SANBR: variants seen among roughly 807,000 people sequenced by gnomAD.
The protein encoded by SANBR is SANT and BTB domain regulator of CSR.
In SANBR, 77 loss-of-function variants were observed where a neutral mutation model predicts 101.8. That is an observed-to-expected ratio of 0.76 (90% CI 0.63 to 0.91). The LOEUF (loss-of-function observed/expected upper bound fraction) is 0.91, where lower values mean the gene tolerates loss of function less well. SANBR is among the 40% of genes least tolerant of loss of function. SANBR has a pLI of 0.00. For missense variants in SANBR, 875 were observed against 853.0 expected, an observed-to-expected ratio of 1.03 and a Z score of -0.32; for synonymous variants, 279 against 274.7, an observed-to-expected ratio of 1.02 and a Z score of -0.15.
intron 20 of SANBR, among the ~76,000 whole-genome samples, chr2:61,130,806 G>A (rs1268317318): frequency 6.6e-6 from 1 of 150,884 alleles, no homozygotes; most frequent in Admixed American, 6.6e-5. Flanking sequence ...AATTAGGAGT[G>A]GTGGCATATG....
chr2:61,078,153 A>T (rs1340646425), intron 6 of SANBR, among the ~76,000 whole-genome samples: 1 of 152,238 alleles, frequency 6.6e-6, no homozygotes, highest in Non-Finnish European at 1.5e-5. Context: ...TTTCCAAATG[A>T]CCAATACATT....
chr2:61,122,670 TC>T lies in SANBR; in HGVS notation c.*509del, dbSNP rs1684381110. On this transcript the variant is annotated 3_prime_UTR_variant, in exon 22 of 22. Transcript: ENST00000402291. The stretch of plus-strand genomic sequence containing the variant: ...CATGAATATTAAGGAGTGACAGGTC[TC>T]AAGACTGCATTAAATGAAGTTTCAG... The T allele has an allele frequency of 1.0e-6, 1 of 986,050 alleles. No homozygotes were observed. Among genetic ancestry groups the T allele is most frequent in the African/African-American group, 1.7e-5 (1 of 57,256 alleles). 61.1% of individuals were successfully genotyped at this position (986,050 alleles called of 1,614,324 possible). A position where few individuals can be genotyped will look rare whatever the true frequency, so the allele number is the denominator to read the frequency against.
At chr2:61,092,399 TTAAA>T (rs1198496640) in intron 10 of SANBR, 61 bp from the exon 11 acceptor site, 30 of 1,243,598 alleles carry the variant, frequency 2.4e-5, no homozygotes, top group South Asian at 5.9e-5. Flanking sequence ...AAGATAATAA[TTAAA>T]TAAATAAATA....
chr2:61,126,551 C>G (rs542033203), downstream of SANBR, among the ~76,000 whole-genome samples: 2 of 152,146 alleles, frequency 1.3e-5, no homozygotes, highest in East Asian at 3.9e-4. Flanking sequence ...GCCTGTAATC[C>G]CAGCACTTTG....
chr2:61,136,012 A>G (rs1222840413), intron 21 of SANBR, among the ~76,000 whole-genome samples: 1 of 152,190 alleles, frequency 6.6e-6, no homozygotes, highest in Non-Finnish European at 1.5e-5. Context: ...TAAAGAGTCT[A>G]AAAAAATCAA....
chr2:61,128,743 C>T (rs62151037), downstream of SANBR, among the ~76,000 whole-genome samples: 1 of 152,162 alleles, frequency 6.6e-6, no homozygotes, highest in Non-Finnish European at 1.5e-5. Context: ...ATCCGTCTGC[C>T]TCGGCCCCCC....
downstream of SANBR, among the ~76,000 whole-genome samples, chr2:61,125,251 T>C (rs1387751299): frequency 6.6e-6 from 1 of 152,240 alleles, no homozygotes; most frequent in Non-Finnish European, 1.5e-5. Context: ...CTATTATTGT[T>C]GCATTGTTAT....
intron 4 of SANBR, among the ~76,000 whole-genome samples, chr2:61,072,942 G>A (rs72809453): frequency 4.8e-5 from 7 of 146,052 alleles, no homozygotes; most frequent in Non-Finnish European, 1.0e-4. Flanking sequence ...TCCTCCTGCC[G>A]CAGCCTCCTG....
chr2:61,080,057 C>T (rs1159984070), intron 6 of SANBR, among the ~76,000 whole-genome samples: 2 of 151,822 alleles, frequency 1.3e-5, no homozygotes, highest in African/African-American at 2.4e-5. Flanking sequence ...ATAAGCCAGG[C>T]GTGGTGGCAG....
chr2:61,134,855 C>T (rs1028054314), intron 21 of SANBR, among the ~76,000 whole-genome samples: 8 of 151,918 alleles, frequency 5.3e-5, no homozygotes, highest in African/African-American at 1.9e-4. Context: ...GATCGCGCCA[C>T]TGCACTCCAG....
Position 61,081,506 on chromosome 2 carries a change from C to T in SANBR, c.725C>T (p.Ser242Leu), listed in dbSNP as rs766049627. ...LISSEFLKMD[S>L]LVEQCIQYCH... ...TCTTCGGAGTTTTTAAAAATGGATT[C>T]ACTAGTAAGTATTGACTTAAAAAAA... The change falls in exon 7 of 22, where the codon TCA becomes TTA. Residue 242 changes from serine (S) to leucine (L), a missense_variant. Ser to Leu is a moderately radical substitution (Grantham distance 145). Coordinates refer to ENST00000402291, the MANE Select transcript of SANBR (RefSeq NM_001129993.3). 1 of 1,561,792 alleles carries T rather than the reference C, an allele frequency of 6.4e-7. No individual in the cohort carries two copies. Among genetic ancestry groups the T allele is most frequent in the South Asian group, 1.2e-5 (1 of 82,246 alleles).
chr2:61,103,137 CT>C (rs398060223), intron 12 of SANBR, among the ~76,000 whole-genome samples: 427 of 134,818 alleles, frequency 3.2e-3, no homozygotes, highest in Middle Eastern at 3.8e-3. Context: ...ATTTTTCTTT[CT>C]TTTTTTTTTT....
At chr2:61,083,349 C>G (rs775922277) in intron 8 of SANBR, 35 bp downstream of exon 8, 1 of 1,197,742 alleles carries the variant, frequency 8.3e-7, no homozygotes. Context: ...ACCTAATACT[C>G]CTGTTAAAAG....
At chr2:61,107,319 T>C (rs1683621195) in intron 14 of SANBR, among the ~76,000 whole-genome samples, 1 of 152,208 alleles carries the variant, frequency 6.6e-6, no homozygotes. Context: ...CCTTTTATTG[T>C]AATTAGGAAT....
In SANBR at chr2:61,106,676, T is replaced by C; in HGVS notation, c.1611+14T>C. 1 of 1,390,852 alleles carries C rather than the reference T, an allele frequency of 7.2e-7. No individual in the cohort carries two copies. Among genetic ancestry groups the C allele is most frequent in the South Asian group, 1.3e-5 (1 of 78,830 alleles). The allele number at this position is 1,390,852 out of a possible 1,614,324, so 86.2% of individuals were successfully genotyped here. ...GAGCTCAATGCTGTGAGTAGTTTTT[T>C]TTCACTTATTCTTTATTTACATAAA... is the stretch of plus-strand genomic sequence containing the variant. On this transcript the variant is annotated intron_variant, in intron 14 of 21. Transcript: ENST00000402291.
intron 20 of SANBR, among the ~76,000 whole-genome samples, chr2:61,120,329 G>A (rs1046253413): frequency 5.9e-5 from 9 of 152,070 alleles, no homozygotes; most frequent in African/African-American, 7.2e-5. Context: ...GTGAAACCCC[G>A]TCTCCACTAA....
intron 8 of SANBR, 110 bp from the exon 9 acceptor site, chr2:61,088,049 C>T (rs1043031282): frequency 3.5e-6 from 2 of 566,634 alleles, no homozygotes; most frequent in African/African-American, 1.9e-5. Context: ...CCCAAGAGAG[C>T]CACTAAGGAT....
intron 20 of SANBR, among the ~76,000 whole-genome samples, chr2:61,131,886 A>T (rs1684699286): frequency 6.6e-6 from 1 of 152,238 alleles, no homozygotes. Context: ...ATAAACCCAC[A>T]TTTCTATGGT....
chr2:61,081,511 G>GT lies in SANBR; in HGVS notation c.729+2dup. 6.4e-7 allele frequency: 1 copy of GT among 1,558,468 alleles called. No homozygotes were observed. The highest frequency in any genetic ancestry group is 8.6e-7 in the Non-Finnish European group (1 of 1,157,524). ...GGAGTTTTTAAAAATGGATTCACTA[G>GT]TAAGTATTGACTTAAAAAAAATCAA... is the stretch of plus-strand genomic sequence containing the variant. On this transcript the variant is annotated splice_donor_variant, in intron 7 of 21. Transcript: ENST00000402291. LOFTEE classifies it high-confidence loss of function.
Sources: allele counts gnomAD v4.1 joint callset (sites outside exome capture counted in the v4.1 genomes callset), GRCh38; gene constraint gnomAD v4.1.1; transcripts MANE v1.5; gene names NCBI Gene and HGNC (gene_info 2026-07-23, HGNC 2026-07-21).